The following CPNE4 variants were observed in gnomAD, a reference collection of about 807,000 sequenced individuals.
The protein encoded by CPNE4 is copine 4.
CPNE4 carries 25 observed loss-of-function variants against 67.9 expected under a neutral mutation model. The ratio of observed to expected loss-of-function variants is 0.37; its 90% CI spans 0.27 to 0.51. The LOEUF (loss-of-function observed/expected upper bound fraction) is 0.51. Among genes scored for constraint, CPNE4 ranks in the 20% least tolerant of loss-of-function variants. The probability of loss-of-function intolerance (pLI) is 0.93; values close to 1 mark genes in which losing one functional copy is unlikely to be tolerated. For synonymous variants in CPNE4, 242 were observed against 244.9 expected, an observed-to-expected ratio of 0.99 and a Z score of 0.11; for missense variants, 464 against 690.8, an observed-to-expected ratio of 0.67 and a Z score of 3.68.
chr3:131,888,673 G>A (rs2087992791), intron 2 of CPNE4, among the ~76,000 whole-genome samples: 1 of 152,162 alleles, frequency 6.6e-6, no homozygotes. Flanking sequence ...TATCAGTATG[G>A]CTTCTCTGAG....
intron 2 of CPNE4, among the ~76,000 whole-genome samples, chr3:131,883,266 C>T (rs2087751351): frequency 6.6e-6 from 1 of 152,130 alleles, no homozygotes; most frequent in Non-Finnish European, 1.5e-5. Flanking sequence ...CTGCCCCTCC[C>T]CCAGTGTTAC....
At chr3:132,010,586 T>A (rs944739602) in intron 1 of CPNE4, among the ~76,000 whole-genome samples, 1 of 152,076 alleles carries the variant, frequency 6.6e-6, no homozygotes, top group Non-Finnish European at 1.5e-5. Flanking sequence ...TGTGTCCAGG[T>A]CCCCATTTTC....
intron 1 of CPNE4, among the ~76,000 whole-genome samples, chr3:132,005,252 C>CATGACCTA (rs2073559188): frequency 1.4e-5 from 2 of 147,776 alleles, no homozygotes; most frequent in Non-Finnish European, 3.0e-5. Flanking sequence ...GTCAAGTTAG[C>CATGACCTA]ATGACCTATC....
intron 7 of CPNE4, among the ~76,000 whole-genome samples, chr3:131,609,679 T>C (rs1343235458): frequency 6.6e-5 from 10 of 152,218 alleles, no homozygotes; most frequent in Admixed American, 3.9e-4. Context: ...TAATGAAAGA[T>C]TAAAATACAA....
At chr3:131,862,784 T>G (rs1189541995) in intron 2 of CPNE4, among the ~76,000 whole-genome samples, 2 of 152,132 alleles carry the variant, frequency 1.3e-5, no homozygotes, top group African/African-American at 2.4e-5. Context: ...TGTATACATG[T>G]GCCATGTTGG....
intron 1 of CPNE4, among the ~76,000 whole-genome samples, chr3:131,987,197 G>T (rs995544207): frequency 6.6e-6 from 1 of 152,166 alleles, no homozygotes; most frequent in African/African-American, 2.4e-5. Context: ...AACATGAAAA[G>T]CTAATAAGCT....
chr3:131,903,347 A>C (rs945930462), intron 2 of CPNE4, among the ~76,000 whole-genome samples: 2 of 152,124 alleles, frequency 1.3e-5, no homozygotes, highest in Non-Finnish European at 2.9e-5. Context: ...CTATTTCTCC[A>C]TTCACATCAG....
intron 2 of CPNE4, among the ~76,000 whole-genome samples, chr3:131,875,221 TA>T (rs567513329): frequency 1.2e-4 from 18 of 148,760 alleles, no homozygotes; most frequent in South Asian, 4.3e-4. Flanking sequence ...CATTATCACT[TA>T]AAAAAAAAAG....
At chr3:131,608,335 G>A (rs1324778136) in intron 7 of CPNE4, among the ~76,000 whole-genome samples, 1 of 152,126 alleles carries the variant, frequency 6.6e-6, no homozygotes, top group South Asian at 2.1e-4. Context: ...GAGTACGGTG[G>A]GTTTGGAGTG....
In CPNE4 at chr3:131,897,419, C is replaced by G. The variant is rs143636940; in HGVS notation, c.180+7845G>C. On this transcript the variant is annotated intron_variant, in intron 2 of 15. Coordinates refer to ENST00000429747, the MANE Select transcript of CPNE4 (RefSeq NM_130808.3). Reference sequence around the variant, plus strand: ...ATGGTGCATAGCAAACAGTCTGGTACTCATTATTCTGAGAGGAAGACAGTG... The same window carrying G: ...ATGGTGCATAGCAAACAGTCTGGTAGTCATTATTCTGAGAGGAAGACAGTG... Among the ~76,000 whole-genome samples the G allele has an allele frequency of 4.7e-3, 710 of 152,160 alleles. 8 individuals carry two copies. Among genetic ancestry groups the G allele is most frequent in the African/African-American group, 0.015 (627 of 41,510 alleles).
chr3:131,642,685 C>T (rs1221101341), intron 7 of CPNE4, among the ~76,000 whole-genome samples: 3 of 152,084 alleles, frequency 2.0e-5, no homozygotes, highest in African/African-American at 7.2e-5. Context: ...TGAGAAAATT[C>T]TTATGATATC....
intron 2 of CPNE4, among the ~76,000 whole-genome samples, chr3:131,821,639 C>T (rs1022680253): frequency 1.3e-5 from 2 of 152,186 alleles, no homozygotes; most frequent in African/African-American, 4.8e-5. Flanking sequence ...CAAGACTACA[C>T]AAACTGGGGA....
chr3:131,696,527 T>A lies in CPNE4; in HGVS notation c.507+15A>T. Reference sequence around the variant, plus strand: ...TTGTTACTTCCTTCAATAAGGTTAATGCCAAACGCTTTACCTTGTCATCCA... The same window carrying A: ...TTGTTACTTCCTTCAATAAGGTTAAAGCCAAACGCTTTACCTTGTCATCCA... On this transcript the variant is annotated intron_variant, in intron 5 of 15. Coordinates refer to ENST00000429747, the MANE Select transcript of CPNE4 (RefSeq NM_130808.3). The A allele has an allele frequency of 6.2e-7, 1 of 1,611,056 alleles. No individual in the cohort carries two copies. Among genetic ancestry groups the A allele is most frequent in the Non-Finnish European group, 8.5e-7 (1 of 1,177,260 alleles).
intron 2 of CPNE4, among the ~76,000 whole-genome samples, chr3:131,867,789 C>A (rs1472945165): frequency 6.6e-6 from 1 of 152,130 alleles, no homozygotes; most frequent in Non-Finnish European, 1.5e-5. Flanking sequence ...TCTCTTTTGA[C>A]CGCATTTCCT....
intron 2 of CPNE4, among the ~76,000 whole-genome samples, chr3:131,853,064 T>A (rs983576346): frequency 1.3e-5 from 2 of 151,814 alleles, no homozygotes; most frequent in African/African-American, 4.8e-5. Context: ...TTCTGAAGAA[T>A]TGACCAGTTT....
intron 7 of CPNE4, among the ~76,000 whole-genome samples, chr3:131,643,082 C>T (rs137942799): frequency 8.5e-5 from 13 of 152,252 alleles, no homozygotes; most frequent in Admixed American, 7.8e-4. Flanking sequence ...TGGCTTTGAC[C>T]AAAATGGTGA....
At chr3:131,629,013 T>C (rs1394892975) in intron 7 of CPNE4, among the ~76,000 whole-genome samples, 1 of 152,224 alleles carries the variant, frequency 6.6e-6, no homozygotes, top group African/African-American at 2.4e-5. Flanking sequence ...TTTAGATCTT[T>C]CCTGCTTTCT....
intron 1 of CPNE4, among the ~76,000 whole-genome samples, chr3:131,931,552 ATCCT>A: frequency 6.6e-6 from 1 of 152,118 alleles, no homozygotes; most frequent in Non-Finnish European, 1.5e-5. Flanking sequence ...GCAATTAGGT[ATCCT>A]TACCTAATTG....
chr3:131,712,072 C>T (rs1402995660), intron 3 of CPNE4, among the ~76,000 whole-genome samples: 1 of 152,166 alleles, frequency 6.6e-6, no homozygotes, highest in Non-Finnish European at 1.5e-5. Flanking sequence ...GTAAATTTCC[C>T]AAATTAGAAT....
Sources: gnomAD v4.1 joint callset for allele counts (sites outside exome capture counted in the v4.1 genomes callset) on GRCh38, gnomAD v4.1.1 for gene constraint, MANE v1.5 for transcripts, NCBI Gene and HGNC (gene_info 2026-07-23, HGNC 2026-07-21) for gene names.